Variants in CSNK2A2IP observed in about 807,000 individuals in gnomAD.
The protein encoded by CSNK2A2IP is casein kinase II subunit alpha'-interacting protein.
chr3:88,424,813 T>TC, the CSNK2A2IP span, among the ~76,000 whole-genome samples: 1 of 151,620 alleles, frequency 6.6e-6, no homozygotes, highest in African/African-American at 2.4e-5. Context: ...ACAAAGCTTT[T>TC]TTTTTCTTTT....
the CSNK2A2IP span, among the ~76,000 whole-genome samples, chr3:88,394,722 C>T: frequency 6.6e-6 from 1 of 152,220 alleles, no homozygotes; most frequent in Admixed American, 6.5e-5. Context: ...CTGCTTCACC[C>T]ATTTATTGAC....
chr3:88,414,095 A>G, the CSNK2A2IP span, among the ~76,000 whole-genome samples: 1 of 151,284 alleles, frequency 6.6e-6, no homozygotes, highest in African/African-American at 2.4e-5. Context: ...ATTATAAATA[A>G]TATTACAGTC....
chr3:88,374,472 A>G, the CSNK2A2IP span, among the ~76,000 whole-genome samples: 36 of 151,840 alleles, frequency 2.4e-4, no homozygotes, highest in East Asian at 6.8e-3. Flanking sequence ...TCTAGGCAAT[A>G]GGTGTAGATG....
At chr3:88,449,874 T>TAGAGAGAGAGAG in the CSNK2A2IP span, among the ~76,000 whole-genome samples, 75 of 69,968 alleles carry the variant, frequency 1.1e-3, no homozygotes, top group Middle Eastern at 9.6e-3. Flanking sequence ...TATATATATA[T>TAGAGAGAGAGAG]AGAGAGAGAG....
the CSNK2A2IP span, among the ~76,000 whole-genome samples, chr3:88,418,463 T>TGTGTGTGTGCGCGCGCGCGCGCGCGC: frequency 2.5e-4 from 37 of 149,628 alleles, no homozygotes; most frequent in African/African-American, 8.9e-4. Flanking sequence ...TGTGTGTGTG[T>TGTGTGTGTGCGCGCGCGCGCGCGCGC]GCGCGCGGGC....
chr3:88,445,111 A>T, the CSNK2A2IP span, among the ~76,000 whole-genome samples: 4 of 151,968 alleles, frequency 2.6e-5, no homozygotes, highest in Admixed American at 2.6e-4. Flanking sequence ...TTAACGAGTA[A>T]GAAATGTTAT....
the CSNK2A2IP span, among the ~76,000 whole-genome samples, chr3:88,350,899 C>T: frequency 7.1e-4 from 108 of 152,198 alleles, no homozygotes; most frequent in Admixed American, 1.2e-3. Context: ...CAACTCTCAC[C>T]CCCAGTAGAC....
the CSNK2A2IP span, among the ~76,000 whole-genome samples, chr3:88,434,760 G>T: frequency 6.6e-6 from 1 of 152,118 alleles, no homozygotes; most frequent in African/African-American, 2.4e-5. Context: ...AGAAGTACCT[G>T]TATGGTGGGG....
the CSNK2A2IP span, among the ~76,000 whole-genome samples, chr3:88,356,460 T>A: frequency 6.6e-6 from 1 of 152,180 alleles, no homozygotes; most frequent in Non-Finnish European, 1.5e-5. Context: ...TAATATTCCA[T>A]GGTGTATTTG....
the CSNK2A2IP span, among the ~76,000 whole-genome samples, chr3:88,384,571 T>C: frequency 1.3e-5 from 2 of 152,092 alleles, no homozygotes; most frequent in African/African-American, 2.4e-5. Context: ...GAAAAGATCC[T>C]GGTAGGAGCC....
chr3:88,380,461 A>C, the CSNK2A2IP span, among the ~76,000 whole-genome samples: 1,087 of 151,676 alleles, frequency 7.2e-3, 8 homozygotes, highest in Non-Finnish European at 9.5e-3. Flanking sequence ...ATCTTAGATT[A>C]TATTTAATAT....
chr3:88,413,131 T>G, the CSNK2A2IP span, among the ~76,000 whole-genome samples: 1 of 152,066 alleles, frequency 6.6e-6, no homozygotes, highest in Non-Finnish European at 1.5e-5. Context: ...GATTTAATTT[T>G]TAATTCAGTA....
the CSNK2A2IP span, among the ~76,000 whole-genome samples, chr3:88,426,588 T>C: frequency 2.0e-5 from 3 of 152,182 alleles, no homozygotes; most frequent in Non-Finnish European, 2.9e-5. Context: ...GGAGGTAATT[T>C]AATCATGGGG....
At chr3:88,403,509 C>T in the CSNK2A2IP span, among the ~76,000 whole-genome samples, 1 of 152,230 alleles carries the variant, frequency 6.6e-6, no homozygotes, top group African/African-American at 2.4e-5. Context: ...CTTGGTAGAG[C>T]AGCCTTGACC....
chr3:88,421,707 G>A, the CSNK2A2IP span, among the ~76,000 whole-genome samples: 1 of 152,062 alleles, frequency 6.6e-6, no homozygotes, highest in African/African-American at 2.4e-5. Context: ...ATGAGCCACC[G>A]TGCCTGGCCT....
chr3:88,442,558 G>T, the CSNK2A2IP span, among the ~76,000 whole-genome samples: 2 of 152,046 alleles, frequency 1.3e-5, no homozygotes, highest in Non-Finnish European at 2.9e-5. Context: ...TACTGATCAT[G>T]TATGCATTAT....
chr3:88,416,164 A>G, the CSNK2A2IP span, among the ~76,000 whole-genome samples: 1 of 151,262 alleles, frequency 6.6e-6, no homozygotes, highest in Non-Finnish European at 1.5e-5. Context: ...CTAGCTACTC[A>G]GGAGGCTGAG....
chr3:88,383,418 TGTGA>T, the CSNK2A2IP span, among the ~76,000 whole-genome samples: 391 of 152,304 alleles, frequency 2.6e-3, 2 homozygotes, highest in African/African-American at 9.0e-3. Context: ...TTCACAGTGA[TGTGA>T]GTATTAATAA....
At chr3:88,449,874 T>TATATAGAGAG in the CSNK2A2IP span, among the ~76,000 whole-genome samples, 1 of 70,046 alleles carries the variant, frequency 1.4e-5, no homozygotes, top group African/African-American at 4.7e-5. Flanking sequence ...TATATATATA[T>TATATAGAGAG]AGAGAGAGAG....
Sources: gnomAD v4.1 joint callset for allele counts (sites outside exome capture counted in the v4.1 genomes callset) on GRCh38, gnomAD v4.1.1 for gene constraint, MANE v1.5 for transcripts, NCBI Gene and HGNC (gene_info 2026-07-23, HGNC 2026-07-21) for gene names.